Variants in EEA1 observed in about 807,000 individuals in gnomAD.
EEA1 encodes early endosome antigen 1, 162kD.
EEA1 carries 111 observed loss-of-function variants against 209.2 expected under a neutral mutation model. That is an observed-to-expected ratio of 0.53 (90% CI 0.45 to 0.62). EEA1 has a LOEUF of 0.62. EEA1 is among the 20% of genes least tolerant of loss of function. The probability of loss-of-function intolerance (pLI) is 0.00; values close to 1 mark genes in which losing one functional copy is unlikely to be tolerated. For synonymous variants in EEA1, 536 were observed against 540.6 expected, an observed-to-expected ratio of 0.99 and a Z score of 0.12; for missense variants, 1,343 against 1,530.8, an observed-to-expected ratio of 0.88 and a Z score of 2.05.
Position 92,798,918 on chromosome 12 carries a change from C to T in EEA1, c.2941G>A (p.Glu981Lys). The change falls in exon 21 of 29, where the codon GAG becomes AAG. Residue 981 changes from glutamate (E) to lysine (K), a missense_variant. Around this residue, in one of 3 missense-constraint regions of EEA1, gnomAD observed 1,307 missense variants for 1,465.5 expected, o/e 0.89. Transcript: ENST00000322349. ...TTCTGTAAAACAGCAATTTTAAGCT[C>T]TCCTTGGAGTGCTTCAATTTGTTTT... ...KKKQIEALQG[E>K]LKIAVLQKTE... 1.2e-6 allele frequency: 2 copies of T among 1,605,802 alleles called. No individual in the cohort carries two copies.
Position 92,771,048 on chromosome 12 carries a change from AT to A in EEA1, c.*4962del, listed in dbSNP as rs1394941357. On this transcript the variant is annotated 3_prime_UTR_variant, in exon 29 of 29. Transcript: ENST00000322349. ...TAGCACAGTACAGTCACTTAATTTT[AT>A]TTGGCAGGACTTCAAATTTCTTCAG... The A allele has an allele frequency of 6.6e-6, 1 of 150,974 alleles. No individual in the cohort carries two copies. Among genetic ancestry groups the A allele is most frequent in the African/African-American group, 2.4e-5 (1 of 41,080 alleles). 9.4% of individuals were successfully genotyped at this position (150,974 alleles called of 1,614,324 possible). A position where few individuals can be genotyped will look rare whatever the true frequency, so the allele number is the denominator to read the frequency against.
chr12:92,775,975 G>A lies in EEA1; in HGVS notation c.*36C>T. The A allele has an allele frequency of 6.3e-7, 1 of 1,595,792 alleles. No individual in the cohort carries two copies. The highest frequency in any genetic ancestry group is 1.1e-5 in the South Asian group (1 of 88,054). ...TAAGTACATTTATTAAAAATCTAATGTTAGTGTAATATTACTCTGAAGTTG... is the reference window on the plus strand; with the variant it reads ...TAAGTACATTTATTAAAAATCTAATATTAGTGTAATATTACTCTGAAGTTG... On this transcript the variant is annotated 3_prime_UTR_variant, in exon 29 of 29. Coordinates refer to ENST00000322349, the MANE Select transcript of EEA1 (RefSeq NM_003566.4).
At chr12:92,855,823 A>G (rs182298201) in intron 5 of EEA1, among the ~76,000 whole-genome samples, 1 of 152,236 alleles carries the variant, frequency 6.6e-6, no homozygotes, top group Non-Finnish European at 1.5e-5. Context: ...TAAATGTGAA[A>G]TAGTCATCTC....
chr12:92,805,485 C>T (rs1382631229), intron 18 of EEA1, among the ~76,000 whole-genome samples: 2 of 152,188 alleles, frequency 1.3e-5, no homozygotes, highest in Non-Finnish European at 2.9e-5. Context: ...CTGGAACAGT[C>T]AAGAGCCCTC....
chr12:92,903,676 A>C (rs760372175), intron 1 of EEA1, among the ~76,000 whole-genome samples: 2 of 152,220 alleles, frequency 1.3e-5, no homozygotes, highest in Admixed American at 6.5e-5. Context: ...AAAAACAAAA[A>C]GAAAGAAAAG....
intron 9 of EEA1, among the ~76,000 whole-genome samples, chr12:92,850,401 A>T (rs548168565): frequency 6.6e-6 from 1 of 152,186 alleles, no homozygotes; most frequent in Non-Finnish European, 1.5e-5. Flanking sequence ...ATTAGAAATA[A>T]GCTTATGGCC....
rs573909337 is a variant in EEA1 at position 92,883,852 on chromosome 12, G to A, written c.117+7777C>T. 1.1e-4 allele frequency: 179 copies of A among 1,603,428 alleles called. 1 individual carries two copies. The highest frequency in any genetic ancestry group is 2.7e-4 in the East Asian group (12 of 44,852). ...TGGAGGGTTGAGCTTTAAAACAACCGATGAGAGCCTGAGGAGCCATTTTGA... is the reference window on the plus strand; with the variant it reads ...TGGAGGGTTGAGCTTTAAAACAACCAATGAGAGCCTGAGGAGCCATTTTGA... On this transcript the variant is annotated intron_variant, in intron 2 of 28. Coordinates refer to ENST00000322349, the MANE Select transcript of EEA1 (RefSeq NM_003566.4).
At chr12:92,827,404 G>A (rs1306798177) in intron 12 of EEA1, among the ~76,000 whole-genome samples, 2 of 152,034 alleles carry the variant, frequency 1.3e-5, no homozygotes, top group African/African-American at 2.4e-5. Flanking sequence ...ATAAAAAAGT[G>A]TGTTTAATTG....
At position 92,888,346 on chromosome 12, in the gene EEA1, C is replaced by T. The variant is rs561961171; in HGVS notation, c.117+3283G>A. ...CTGTAATGCCAGCACTTTGGGAGGC[C>T]GAAGCAAGTGGACCACAAGGTCAGG... On this transcript the variant is annotated intron_variant, in intron 2 of 28. Transcript: ENST00000322349. 1.1e-4 allele frequency among the ~76,000 whole-genome samples: 17 copies of T among 152,116 alleles called. No individual in the cohort carries two copies. The South Asian group carries it at 1.7e-3, about 15-fold the overall frequency.
chr12:92,777,493 A>G (rs761648090), intron 27 of EEA1, 50 bp downstream of exon 27: 1 of 1,544,012 alleles, frequency 6.5e-7, no homozygotes, highest in South Asian at 1.3e-5. Context: ...CTTTTCACTA[A>G]TAAGCCAATT....
intron 2 of EEA1, among the ~76,000 whole-genome samples, chr12:92,891,013 G>A (rs925844837): frequency 3.3e-5 from 5 of 152,088 alleles, no homozygotes; most frequent in Non-Finnish European, 7.4e-5. Flanking sequence ...TCATCTCTTC[G>A]TGGCAGTATT....
intron 18 of EEA1, among the ~76,000 whole-genome samples, chr12:92,805,488 G>A (rs1875157869): frequency 6.6e-6 from 1 of 152,154 alleles, no homozygotes; most frequent in Non-Finnish European, 1.5e-5. Flanking sequence ...GAACAGTCAA[G>A]AGCCCTCATC....
chr12:92,797,150 C>G (rs149888809), intron 21 of EEA1, among the ~76,000 whole-genome samples: 2 of 152,176 alleles, frequency 1.3e-5, no homozygotes, highest in Admixed American at 1.3e-4. Flanking sequence ...TGCAGTGGCA[C>G]GATCTTGGCT....
intron 21 of EEA1, among the ~76,000 whole-genome samples, chr12:92,790,533 G>C (rs1874354351): frequency 6.6e-6 from 1 of 152,184 alleles, no homozygotes; most frequent in South Asian, 2.1e-4. Flanking sequence ...AAGGGTATCA[G>C]TGATTGAAGA....
chr12:92,890,896 A>G (rs1001452362), intron 2 of EEA1, among the ~76,000 whole-genome samples: 16 of 152,176 alleles, frequency 1.1e-4, no homozygotes, highest in African/African-American at 3.9e-4. Context: ...CTCATCAACC[A>G]AGAGGTGGAG....
chr12:92,807,113 C>G (rs1470523223), intron 18 of EEA1, among the ~76,000 whole-genome samples: 1 of 152,040 alleles, frequency 6.6e-6, no homozygotes, highest in Non-Finnish European at 1.5e-5. Flanking sequence ...GCCACCATCC[C>G]CTGCTGATTT....
At chr12:92,810,528 T>G (rs909526370) in intron 17 of EEA1, among the ~76,000 whole-genome samples, 3 of 152,140 alleles carry the variant, frequency 2.0e-5, no homozygotes, top group African/African-American at 7.2e-5. Context: ...TTGGTATGTA[T>G]GTACATATAT....
intron 2 of EEA1, among the ~76,000 whole-genome samples, chr12:92,885,624 C>A (rs1879347127): frequency 6.6e-6 from 1 of 152,184 alleles, no homozygotes. Context: ...CAGTTAACAG[C>A]ACCTCTCTAA....
rs1565821149 is a variant in EEA1, at chr12:92,819,321, G to A, written c.1715C>T (p.Thr572Ile). 8.1e-6 allele frequency: 13 copies of A among 1,609,338 alleles called. No individual in the cohort carries two copies. The highest frequency in any genetic ancestry group is 1.1e-5 in the Non-Finnish European group (13 of 1,178,170). ...VLNQLQEKNHTLQEQVTQLTE... is the reference protein window; with the variant it reads ...VLNQLQEKNHILQEQVTQLTE... ...TTACAAGCTTACTTGCTCCTGTAGT[G>A]TATGGTTTTTTTCTTGTAACTGGTT... Residue 572 changes from threonine (T) to isoleucine (I), a missense_variant, in exon 14 of 29, where the codon ACA becomes ATA. By Grantham distance (89) the Thr-to-Ile change is moderately conservative. Transcript: ENST00000322349.
Sources: allele counts gnomAD v4.1 joint callset (sites outside exome capture counted in the v4.1 genomes callset), GRCh38; gene constraint gnomAD v4.1.1; regional missense constraint gnomAD v4.1.1; transcripts MANE v1.5; gene names NCBI Gene and HGNC (gene_info 2026-07-23, HGNC 2026-07-21).